Variants in C8orf34 observed in about 807,000 individuals in gnomAD.
C8orf34 encodes uncharacterized protein C8orf34.
C8orf34 carries 65 observed loss-of-function variants against 68.3 expected under a neutral mutation model. That is an observed-to-expected ratio of 0.95 (90% CI 0.78 to 1.17). C8orf34 has a LOEUF of 1.17. C8orf34 is among the 50% of genes most tolerant of loss of function. C8orf34 has a pLI of 0.00. For missense variants in C8orf34, 664 were observed against 655.4 expected, an observed-to-expected ratio of 1.01 and a Z score of -0.14; for synonymous variants, 244 against 241.2, an observed-to-expected ratio of 1.01 and a Z score of -0.11.
intron 1 of C8orf34, among the ~76,000 whole-genome samples, chr8:68,347,697 T>C (rs1806340803): frequency 6.6e-6 from 1 of 152,174 alleles, no homozygotes; most frequent in African/African-American, 2.4e-5. Context: ...TTGATTTGCA[T>C]TTATCTAATG....
intron 13 of C8orf34, among the ~76,000 whole-genome samples, chr8:68,817,991 G>A (rs78993823): frequency 9.0e-6 from 1 of 110,638 alleles, no homozygotes; most frequent in Non-Finnish European, 2.0e-5. Flanking sequence ...GTAATTCAAC[G>A]AGATTCGGGT....
chr8:68,384,924 C>T (rs1808196233), intron 1 of C8orf34, among the ~76,000 whole-genome samples: 1 of 152,010 alleles, frequency 6.6e-6, no homozygotes, highest in African/African-American at 2.4e-5. Flanking sequence ...GATTTTCTAT[C>T]AAAGAGGATT....
chr8:68,590,949 A>G (rs148283024), intron 7 of C8orf34, among the ~76,000 whole-genome samples: 190 of 152,242 alleles, frequency 1.2e-3, no homozygotes, highest in African/African-American at 3.4e-3. Context: ...GGCCATGGGC[A>G]CCATTATGGC....
chr8:68,451,373 C>T (rs2129627505), intron 3 of C8orf34, among the ~76,000 whole-genome samples: 1 of 152,216 alleles, frequency 6.6e-6, no homozygotes. Flanking sequence ...TTTGCATTCG[C>T]TACTTGGCTA....
intron 7 of C8orf34, among the ~76,000 whole-genome samples, chr8:68,598,346 A>G (rs1328642664): frequency 6.6e-6 from 1 of 152,180 alleles, no homozygotes; most frequent in Non-Finnish European, 1.5e-5. Context: ...ATAACATTTG[A>G]GACTACTTTT....
At chr8:68,497,326 C>A (rs543482351) in intron 5 of C8orf34, among the ~76,000 whole-genome samples, 63 of 152,304 alleles carry the variant, frequency 4.1e-4, no homozygotes, top group African/African-American at 1.4e-3. Context: ...TTACTGCTTA[C>A]CTGGCAGATT....
intron 1 of C8orf34, among the ~76,000 whole-genome samples, chr8:68,393,456 C>G (rs770829685): frequency 1.4e-4 from 21 of 152,100 alleles, no homozygotes; most frequent in Non-Finnish European, 2.9e-4. Context: ...AGTCAACCTT[C>G]CTAGCAGTGT....
Position 68,394,574 on chromosome 8 carries a change from T to C in C8orf34, c.328-44925T>C, listed in dbSNP as rs1386657660. Among the ~76,000 whole-genome samples the C allele has an allele frequency of 2.0e-5, 3 of 152,074 alleles. No individual in the cohort carries two copies. The East Asian group carries it at 5.8e-4, about 29-fold the overall frequency. On this transcript the variant is annotated intron_variant, in intron 1 of 13. Coordinates refer to ENST00000518698, the MANE Select transcript of C8orf34 (RefSeq NM_052958.4). ...GGAGGAAACATACATCCTTTGGCAA[T>C]TGTTGACTTGTTTTTGAGTGCCAAA... is the stretch of plus-strand genomic sequence containing the variant.
chr8:68,626,911 T>C (rs1309642546), intron 7 of C8orf34, among the ~76,000 whole-genome samples: 5 of 152,126 alleles, frequency 3.3e-5, no homozygotes, highest in African/African-American at 9.7e-5. Flanking sequence ...TGAGAAAAGC[T>C]TTTCAAAAAG....
chr8:68,577,326 C>T (rs1185140492), intron 7 of C8orf34, among the ~76,000 whole-genome samples: 1 of 151,954 alleles, frequency 6.6e-6, no homozygotes, highest in Non-Finnish European at 1.5e-5. Context: ...GTGATTTAGA[C>T]ATAGACTGTT....
rs375210991 is a variant in C8orf34 at position 68,705,402 on chromosome 8, G to T, written c.1242-3592G>T. 3.3e-5 allele frequency among the ~76,000 whole-genome samples: 5 copies of T among 152,224 alleles called. No individual in the cohort carries two copies. In the East Asian group the frequency reaches 7.7e-4, roughly 24 times the overall value. ...CTTTAAAAGAGACTGAGAAATGGTA[G>T]TCAGATATGCAGGAGAGAGAAGGGC... On this transcript the variant is annotated intron_variant, in intron 8 of 13. Coordinates refer to ENST00000518698, the MANE Select transcript of C8orf34 (RefSeq NM_052958.4).
chr8:68,579,044 A>G (rs769545948), intron 7 of C8orf34, among the ~76,000 whole-genome samples: 30 of 152,122 alleles, frequency 2.0e-4, no homozygotes, highest in African/African-American at 5.1e-4. Context: ...CCAAATGAGA[A>G]TTAAGGAGTG....
rs564105896 is a variant in C8orf34 at position 68,441,025 on chromosome 8, C to T, written c.475+1379C>T. 3.3e-5 allele frequency among the ~76,000 whole-genome samples: 5 copies of T among 152,188 alleles called. No individual in the cohort carries two copies. The East Asian group carries it at 5.8e-4, about 18-fold the overall frequency. ...TTCACTGTGTTAGCCAGGATGGTCT[C>T]GATCTCCTGACCTCGTGATCCGCCC... On this transcript the variant is annotated intron_variant, in intron 2 of 13. Transcript: ENST00000518698.
chr8:68,383,798 G>A (rs1157371064), intron 1 of C8orf34, among the ~76,000 whole-genome samples: 2 of 152,174 alleles, frequency 1.3e-5, no homozygotes, highest in Non-Finnish European at 2.9e-5. Flanking sequence ...ACTGTCTTGT[G>A]CCAATGTGTC....
chr8:68,572,070 A>G (rs1563537371), intron 7 of C8orf34, among the ~76,000 whole-genome samples: 1 of 152,148 alleles, frequency 6.6e-6, no homozygotes, highest in African/African-American at 2.4e-5. Context: ...GCTGAATACC[A>G]TAGACAATTG....
chr8:68,467,365 C>A (rs958698474), intron 3 of C8orf34, among the ~76,000 whole-genome samples: 2 of 151,996 alleles, frequency 1.3e-5, no homozygotes, highest in African/African-American at 4.8e-5. Flanking sequence ...TAATGCTTTG[C>A]CAAACCCTGC....
chr8:68,757,843 T>C (rs1822910124), intron 10 of C8orf34, among the ~76,000 whole-genome samples: 2 of 152,164 alleles, frequency 1.3e-5, no homozygotes, highest in South Asian at 4.1e-4. Context: ...TCTAAGATGT[T>C]GGGCAAGTAA....
At chr8:68,429,381 A>G (rs1810360447) in intron 1 of C8orf34, among the ~76,000 whole-genome samples, 1 of 152,252 alleles carries the variant, frequency 6.6e-6, no homozygotes. Context: ...TAGTTTAAAA[A>G]TTAAAGTGAC....
At chr8:68,593,965 T>G (rs1489186239) in intron 7 of C8orf34, among the ~76,000 whole-genome samples, 32 of 152,138 alleles carry the variant, frequency 2.1e-4, no homozygotes. Flanking sequence ...ATTATTTAAA[T>G]TTCCCCAAAT....
Sources: allele counts gnomAD v4.1 joint callset (sites outside exome capture counted in the v4.1 genomes callset), GRCh38; gene constraint gnomAD v4.1.1; transcripts MANE v1.5; gene names NCBI Gene and HGNC (gene_info 2026-07-23, HGNC 2026-07-21).